GPR158: variants seen among roughly 807,000 people sequenced by gnomAD.
GPR158 encodes the protein metabotropic glycine receptor.
Under a neutral mutation model 78.2 loss-of-function variants are expected in GPR158, and 30 were observed. That is an observed-to-expected ratio of 0.38 (90% CI 0.29 to 0.52). The LOEUF (loss-of-function observed/expected upper bound fraction) is 0.52. GPR158 is among the 20% of genes least tolerant of loss of function. GPR158 has a pLI of 0.83. For missense variants in GPR158, 1,463 were observed against 1,523.5 expected, an observed-to-expected ratio of 0.96 and a Z score of 0.66; for synonymous variants, 581 against 591.1, an observed-to-expected ratio of 0.98 and a Z score of 0.25.
chr10:25,273,273 A>G (rs16925526), intron 2 of GPR158, among the ~76,000 whole-genome samples: 2,475 of 152,260 alleles, frequency 0.016, 60 homozygotes, highest in African/African-American at 0.056. Context: ...AAGAAGAGTG[A>G]CATGTTAGAT....
At position 25,538,853 on chromosome 10, in the gene GPR158, T is replaced by A. The variant is rs144534266; in HGVS notation, c.1405-12123T>A. The stretch of plus-strand genomic sequence containing the variant: ...TTAAGTCACGCATCGTAATTTATTC[T>A]TGGCCAAAACGGTATCTATTTTGAA... On this transcript the variant is annotated intron_variant, in intron 5 of 10. Transcript: ENST00000376351. Among the ~76,000 whole-genome samples the A allele has an allele frequency of 1.7e-3, 253 of 152,324 alleles. 1 individual carries two copies. The highest frequency in any genetic ancestry group is 5.9e-3 in the African/African-American group (246 of 41,574).
Position 25,176,000 on chromosome 10 carries a change from G to T in GPR158, c.580G>T (p.Ala194Ser), listed in dbSNP as rs769592452. ...ACCGGCCCCACAGGTCTTCCTCCAG[G>T]CCACGCGCGAGGAGAGCCGCATCCT... ...SAPAPQVFLQ[A>S]TREESRILLQ... Residue 194 changes from alanine to serine, a missense_variant, in exon 1 of 11, where the codon GCC becomes TCC. Coordinates refer to ENST00000376351, the MANE Select transcript of GPR158 (RefSeq NM_020752.3). This position sits in a 1 kb window ranked among gnomAD's most constrained non-coding sequence, Gnocchi z 6.4. 5.6e-6 allele frequency: 9 copies of T among 1,612,844 alleles called. No homozygotes were observed. The Admixed American group carries it at 1.5e-4, about 27-fold the overall frequency.
At chr10:25,315,513 T>G (rs1251481863) in intron 2 of GPR158, among the ~76,000 whole-genome samples, 4 of 152,170 alleles carry the variant, frequency 2.6e-5, no homozygotes, top group Non-Finnish European at 5.9e-5. Context: ...TAGCATGTAG[T>G]TGAGTCTTAT....
At chr10:25,373,092 A>G (rs1027234787) in intron 2 of GPR158, among the ~76,000 whole-genome samples, 1 of 151,980 alleles carries the variant, frequency 6.6e-6, no homozygotes, top group Non-Finnish European at 1.5e-5. Flanking sequence ...AATGTGGTGC[A>G]TATGTGCTGT....
intron 5 of GPR158, among the ~76,000 whole-genome samples, chr10:25,531,257 T>C (rs1204205998): frequency 6.6e-6 from 1 of 152,210 alleles, no homozygotes; most frequent in East Asian, 1.9e-4. Context: ...TTCAGTTATG[T>C]TGTCCTGGGC....
chr10:25,598,464 A>G lies in GPR158; in HGVS notation c.2838A>G (p.Ser946=). Residue 946 remains serine, a synonymous_variant, in exon 11 of 11, where the codon TCA becomes TCG. Transcript: ENST00000376351. The stretch of plus-strand genomic sequence containing the variant: ...ATAAAGAGACAAACAGAAATCACTC[A>G]AATTCTGATAACACAGAGACTAAAG... ...PKDKETNRNH[S]NSDNTETKDP... is the part of the protein sequence containing the mutation. 1 of 1,614,106 alleles carries G rather than the reference A, an allele frequency of 6.2e-7. No homozygotes were observed. The highest frequency in any genetic ancestry group is 8.5e-7 in the Non-Finnish European group (1 of 1,180,020).
At chr10:25,310,857 G>A (rs1007093731) in intron 2 of GPR158, among the ~76,000 whole-genome samples, 3 of 151,788 alleles carry the variant, frequency 2.0e-5, no homozygotes, top group African/African-American at 7.3e-5. Context: ...TTGTATTTAT[G>A]TCTGGATTTT....
intron 2 of GPR158, among the ~76,000 whole-genome samples, chr10:25,273,285 A>G (rs1328942754): frequency 6.6e-6 from 1 of 152,046 alleles, no homozygotes; most frequent in Non-Finnish European, 1.5e-5. Context: ...ATGTTAGATT[A>G]TGCAGTCTAA....
intron 2 of GPR158, among the ~76,000 whole-genome samples, chr10:25,237,864 T>C (rs1246757710): frequency 6.6e-6 from 1 of 152,146 alleles, no homozygotes; most frequent in Non-Finnish European, 1.5e-5. Flanking sequence ...AAACTTATCA[T>C]AATCAATTTT....
At chr10:25,480,422 G>A (rs1205126934) in intron 5 of GPR158, among the ~76,000 whole-genome samples, 9 of 152,138 alleles carry the variant, frequency 5.9e-5, no homozygotes, top group African/African-American at 1.9e-4. Flanking sequence ...TGCAGCCATG[G>A]CTATTATCGA....
At chr10:25,513,466 A>G (rs1042959538) in intron 5 of GPR158, among the ~76,000 whole-genome samples, 2 of 149,590 alleles carry the variant, frequency 1.3e-5, no homozygotes, top group African/African-American at 5.0e-5. Context: ...TTATCTTTTC[A>G]AAGAACTAGT....
At chr10:25,326,321 T>A (rs1404440404) in intron 2 of GPR158, among the ~76,000 whole-genome samples, 2 of 152,252 alleles carry the variant, frequency 1.3e-5, no homozygotes, top group Admixed American at 6.5e-5. Flanking sequence ...TTCCATGGTG[T>A]ATATGTACCA....
chr10:25,542,792 C>G (rs923575789), intron 5 of GPR158, among the ~76,000 whole-genome samples: 1 of 142,822 alleles, frequency 7.0e-6, no homozygotes, highest in Non-Finnish European at 1.5e-5. Context: ...CCATTGCACT[C>G]CAGCCTGGCA....
At chr10:25,451,620 G>T (rs1835217672) in intron 4 of GPR158, among the ~76,000 whole-genome samples, 1 of 152,180 alleles carries the variant, frequency 6.6e-6, no homozygotes, top group South Asian at 2.1e-4. Flanking sequence ...GGGCAAAGTT[G>T]AGTAATACCA....
chr10:25,191,696 A>G (rs1433569426), intron 1 of GPR158, among the ~76,000 whole-genome samples: 1 of 152,218 alleles, frequency 6.6e-6, no homozygotes, highest in African/African-American at 2.4e-5. Context: ...AAATTTGGTT[A>G]CAGGCCATTC....
chr10:25,407,700 GTCATCT>G (rs1218468363), intron 3 of GPR158, among the ~76,000 whole-genome samples: 1 of 152,078 alleles, frequency 6.6e-6, no homozygotes, highest in Non-Finnish European at 1.5e-5. Flanking sequence ...TGATAACCAA[GTCATCT>G]AAAATTATGT....
At position 25,315,964 on chromosome 10, in the gene GPR158, T is replaced by C. The variant is rs757890619; in HGVS notation, c.1009-79947T>C. Among the ~76,000 whole-genome samples the C allele has an allele frequency of 5.9e-4, 90 of 152,260 alleles. 2 individuals carry two copies. The highest frequency in any genetic ancestry group is 4.1e-4 in the Non-Finnish European group (28 of 67,972). On this transcript the variant is annotated intron_variant, in intron 2 of 10. Coordinates refer to ENST00000376351, the MANE Select transcript of GPR158 (RefSeq NM_020752.3). Reference sequence around the variant, plus strand: ...GTGAGTTCTTTCATGTTTAAAACTGTTTTTCTACATACTTGATACTTGAAG... The same window carrying C: ...GTGAGTTCTTTCATGTTTAAAACTGCTTTTCTACATACTTGATACTTGAAG...
intron 2 of GPR158, among the ~76,000 whole-genome samples, chr10:25,391,613 C>T (rs1319585584): frequency 1.3e-5 from 2 of 152,174 alleles, no homozygotes; most frequent in Non-Finnish European, 2.9e-5. Context: ...ATGCCTGTAA[C>T]CCCATTGTAT....
rs373396589 is a variant in GPR158 at position 25,395,928 on chromosome 10, C to A, written c.1026C>A (p.Gly342=). The A allele has an allele frequency of 3.1e-6, 5 of 1,590,528 alleles. No individual in the cohort carries two copies. In the African/African-American group the frequency reaches 6.7e-5, roughly 21 times the overall value. Residue 342 remains glycine (G), a synonymous_variant, in exon 3 of 11, where the codon GGC becomes GGA. Coordinates refer to ENST00000376351, the MANE Select transcript of GPR158 (RefSeq NM_020752.3). ...LNNSECMPIK[G]LGFVLGAYEC... ...CTTCATAGTGTATGCCAATTAAAGG[C>A]CTAGGATTCGTTCTTGGAGCCTATG... is the stretch of plus-strand genomic sequence containing the variant.
Sources: gnomAD v4.1 joint callset for allele counts (sites outside exome capture counted in the v4.1 genomes callset) on GRCh38, gnomAD v4.1.1 for gene constraint, Gnocchi (gnomAD v3.1) non-coding constraint, MANE v1.5 for transcripts, NCBI Gene and HGNC (gene_info 2026-07-23, HGNC 2026-07-21) for gene names.